Variants in SLC25A37 observed in about 807,000 individuals in gnomAD.
The protein encoded by SLC25A37 is mitoferrin-1.
Under a neutral mutation model 31.0 loss-of-function variants are expected in SLC25A37, and 17 were observed. That is an observed-to-expected ratio of 0.55 (90% CI 0.38 to 0.82). The LOEUF is 0.82. SLC25A37 is among the 40% of genes least tolerant of loss of function. The pLI, the probability that SLC25A37 is intolerant of heterozygous loss-of-function variation, is 0.00. For missense variants in SLC25A37, 404 were observed against 465.8 expected, an observed-to-expected ratio of 0.87 and a Z score of 1.22; for synonymous variants, 222 against 193.0, an observed-to-expected ratio of 1.15 and a Z score of -1.24.
At chr8:23,530,893 G>T (rs760437724) in intron 1 of SLC25A37, among the ~76,000 whole-genome samples, 2 of 152,122 alleles carry the variant, frequency 1.3e-5, no homozygotes, top group South Asian at 4.1e-4. Context: ...CTCAAGAGGC[G>T]TTTCTCACAC....
intron 1 of SLC25A37, among the ~76,000 whole-genome samples, chr8:23,540,900 C>G (rs949919973): frequency 6.6e-6 from 1 of 152,166 alleles, no homozygotes; most frequent in Non-Finnish European, 1.5e-5. Context: ...GTATAAAGCT[C>G]TCTGTGCAGG....
chr8:23,568,415 A>G (rs1427073558), intron 3 of SLC25A37, 37 bp downstream of exon 3: 1 of 1,612,948 alleles, frequency 6.2e-7, no homozygotes, highest in Admixed American at 1.7e-5. Context: ...GCAGTAGGGG[A>G]TGTGCAAAGG....
At chr8:23,564,882 C>T (rs1194767574) in intron 1 of SLC25A37, among the ~76,000 whole-genome samples, 1 of 152,138 alleles carries the variant, frequency 6.6e-6, no homozygotes, top group East Asian at 1.9e-4. Flanking sequence ...TGTCTGTCTA[C>T]CTACCTACCT....
chr8:23,530,736 T>A (rs1801646353), intron 1 of SLC25A37, among the ~76,000 whole-genome samples: 1 of 152,230 alleles, frequency 6.6e-6, no homozygotes, highest in Admixed American at 6.5e-5. Context: ...CAGGGAGGTG[T>A]TATCTGAGCA....
intron 1 of SLC25A37, among the ~76,000 whole-genome samples, chr8:23,543,535 G>A (rs28778138): frequency 0.39 from 58,448 of 151,708 alleles, 13,226 homozygotes; most frequent in East Asian, 0.61. Context: ...CAGTTCTGCA[G>A]GCTCCATTCA....
In SLC25A37 at chr8:23,529,091, C is replaced by T. The variant is rs755966704; in HGVS notation, c.89C>T (p.Ala30Val). 3.1e-5 allele frequency: 49 copies of T among 1,605,120 alleles called. No individual in the cohort carries two copies. The highest frequency in any genetic ancestry group is 3.9e-5 in the Non-Finnish European group (46 of 1,176,810). The change falls in exon 1 of 4, where the codon GCC (alanine) becomes GTC (valine). Residue 30 changes from alanine to valine, a missense_variant. Physicochemically the swap from Ala to Val is moderately conservative, Grantham distance 64. Coordinates refer to ENST00000519973, the MANE Select transcript of SLC25A37 (RefSeq NM_016612.4). This position sits in a 1 kb window ranked among gnomAD's most constrained non-coding sequence, Gnocchi z 4.1. ...CGAGATGGCGGCGGCGGCAAGGACG[C>T]CACCGGGTCGGAGGACTACGAGAAC... is the stretch of plus-strand genomic sequence containing the variant. ...DSRDGGGGKD[A>V]TGSEDYENLP...
chr8:23,573,785 C>G lies in SLC25A37; in HGVS notation c.*1930C>G, dbSNP rs1183133549. 1 of 456,644 alleles carries G rather than the reference C, an allele frequency of 2.2e-6. No homozygotes were observed. The highest frequency in any genetic ancestry group is 2.0e-5 in the African/African-American group (1 of 50,200). The allele number at this position is 456,644 out of a possible 1,614,324, so 28.3% of individuals were successfully genotyped here. A position where few individuals can be genotyped will look rare whatever the true frequency, so the allele number is the denominator to read the frequency against. ...CTGGGCTGTGGGGCTTGGCTGCTGC[C>G]CTGTCCCATCTGGCAGTTAACGCCT... On this transcript the variant is annotated 3_prime_UTR_variant, in exon 4 of 4. Transcript: ENST00000519973.
intron 1 of SLC25A37, among the ~76,000 whole-genome samples, chr8:23,537,924 G>A (rs1016165879): frequency 6.6e-6 from 1 of 152,078 alleles, no homozygotes; most frequent in Non-Finnish European, 1.5e-5. Flanking sequence ...TGTAAAGCCC[G>A]ACCTTTGCAT....
chr8:23,574,790 C>G lies in SLC25A37; in HGVS notation c.*2935C>G, dbSNP rs372560688. On this transcript the variant is annotated 3_prime_UTR_variant, in exon 4 of 4. Coordinates refer to ENST00000519973, the MANE Select transcript of SLC25A37 (RefSeq NM_016612.4). ...GGCCTCCCCACCCCACTATCCCACC[C>G]TGGTGACCAATTCAGTGTAACCTTT... The G allele has an allele frequency of 1.3e-5, 2 of 155,592 alleles. No homozygotes were observed. The highest frequency in any genetic ancestry group is 2.4e-5 in the African/African-American group (1 of 41,664). The allele number at this position is 155,592 out of a possible 1,614,324, so 9.6% of individuals were successfully genotyped here.
intron 2 of SLC25A37, chr8:23,566,983 A>T: frequency 3.4e-6 from 1 of 291,556 alleles, no homozygotes; most frequent in Non-Finnish European, 5.1e-6. Context: ...TGAGGGAGAG[A>T]GGCGGGGTGG....
chr8:23,545,654 G>A (rs950780716), intron 1 of SLC25A37, among the ~76,000 whole-genome samples: 10 of 152,220 alleles, frequency 6.6e-5, no homozygotes, highest in African/African-American at 2.4e-4. Flanking sequence ...GTTAGACAAT[G>A]CCAAGCTGTC....
chr8:23,535,887 C>G (rs1801757423), intron 1 of SLC25A37, among the ~76,000 whole-genome samples: 1 of 152,166 alleles, frequency 6.6e-6, no homozygotes, highest in Admixed American at 6.5e-5. Flanking sequence ...CCCCATGATT[C>G]AATTACCTCC....
At position 23,573,593 on chromosome 8, in the gene SLC25A37, G is replaced by C; in HGVS notation, c.*1738G>C. On this transcript the variant is annotated 3_prime_UTR_variant, in exon 4 of 4. Transcript: ENST00000519973. ...TGCTACTGCCTAGGAAGTAACACGT[G>C]GAGAATTTCCATCTTGGGACCATGC... is the stretch of plus-strand genomic sequence containing the variant. 3.0e-6 allele frequency: 1 copy of C among 331,114 alleles called. No individual in the cohort carries two copies. Among genetic ancestry groups the C allele is most frequent in the Non-Finnish European group, 6.2e-6 (1 of 162,368 alleles). The allele number at this position is 331,114 out of a possible 1,614,324, so 20.5% of individuals were successfully genotyped here.
intron 1 of SLC25A37, among the ~76,000 whole-genome samples, chr8:23,556,882 G>T (rs930734374): frequency 2.0e-5 from 3 of 151,828 alleles, no homozygotes; most frequent in African/African-American, 4.8e-5. Flanking sequence ...ACAGATTCTC[G>T]CTCTGTCACC....
chr8:23,547,260 A>G (rs1346895872), intron 1 of SLC25A37, among the ~76,000 whole-genome samples: 1 of 152,202 alleles, frequency 6.6e-6, no homozygotes, highest in Non-Finnish European at 1.5e-5. Context: ...AACATTTGTC[A>G]ATCCAGAACC....
rs540950017 is a variant in SLC25A37, at chr8:23,572,203, T to TAAAAAAAAAAAAAAAAAAAAAA, written c.*372_*393dup. ...GAAAATTTGCAGTGACTGAAAACAGTAAAAAAAAAAAAAAAAAAAAAAAAA... is the reference window on the plus strand; with the variant it reads ...GAAAATTTGCAGTGACTGAAAACAGTAAAAAAAAAAAAAAAAAAAAAAAAAAAAAAAAAAAAAAAAAAAAAAA... On this transcript the variant is annotated 3_prime_UTR_variant, in exon 4 of 4. Transcript: ENST00000519973. The TAAAAAAAAAAAAAAAAAAAAAA allele has an allele frequency of 2.3e-5, 2 of 85,756 alleles. No homozygotes were observed. Among genetic ancestry groups the TAAAAAAAAAAAAAAAAAAAAAA allele is most frequent in the African/African-American group, 1.3e-4 (2 of 15,276 alleles). The allele number at this position is 85,756 out of a possible 1,614,324, so 5.3% of individuals were successfully genotyped here. A position where few individuals can be genotyped will look rare whatever the true frequency, so the allele number is the denominator to read the frequency against.
chr8:23,568,010 C>T (rs1269483414), intron 2 of SLC25A37: 1 of 427,578 alleles, frequency 2.3e-6, no homozygotes, highest in African/African-American at 2.0e-5. Flanking sequence ...GTGGAAAAAG[C>T]CATGGTGTGT....
intron 1 of SLC25A37, among the ~76,000 whole-genome samples, chr8:23,533,251 G>A (rs1440188106): frequency 6.6e-6 from 1 of 152,228 alleles, no homozygotes; most frequent in African/African-American, 2.4e-5. Context: ...GGGAGGGGCA[G>A]GCTGGAGCGT....
intron 1 of SLC25A37, among the ~76,000 whole-genome samples, chr8:23,557,570 C>G (rs1450989343): frequency 6.6e-6 from 1 of 152,082 alleles, no homozygotes; most frequent in African/African-American, 2.4e-5. Context: ...TGGTCTGATC[C>G]TTTCTGGACA....
Sources: gnomAD v4.1 joint callset for allele counts (sites outside exome capture counted in the v4.1 genomes callset) on GRCh38, gnomAD v4.1.1 for gene constraint, Gnocchi (gnomAD v3.1) non-coding constraint, MANE v1.5 for transcripts, NCBI Gene and HGNC (gene_info 2026-07-23, HGNC 2026-07-21) for gene names.